Variants in SNTG1 observed in about 807,000 individuals in gnomAD.
The protein encoded by SNTG1 is syntrophin gamma 1, also known as gamma-1-syntrophin.
SNTG1 carries 39 observed loss-of-function variants against 74.7 expected under a neutral mutation model. The ratio of observed to expected loss-of-function variants is 0.52; its 90% CI spans 0.40 to 0.68. The LOEUF (loss-of-function observed/expected upper bound fraction) is 0.68. SNTG1 is among the 30% of genes least tolerant of loss of function. The pLI is 0.00. For synonymous variants in SNTG1, 254 were observed against 217.1 expected, an observed-to-expected ratio of 1.17 and a Z score of -1.49; for missense variants, 685 against 609.5, an observed-to-expected ratio of 1.12 and a Z score of -1.30.
At chr8:50,537,937 T>C (rs2094319359) in intron 11 of SNTG1, among the ~76,000 whole-genome samples, 1 of 152,194 alleles carries the variant, frequency 6.6e-6, no homozygotes, top group African/African-American at 2.4e-5. Context: ...ATTTTGATAA[T>C]TAATTTTAAG....
intron 4 of SNTG1, among the ~76,000 whole-genome samples, chr8:50,429,643 T>A (rs1412127295): frequency 6.6e-6 from 1 of 152,080 alleles, no homozygotes; most frequent in Non-Finnish European, 1.5e-5. Context: ...AAATGGCACA[T>A]CATAAAAATT....
chr8:50,104,305 G>A (rs549218736), intron 1 of SNTG1, among the ~76,000 whole-genome samples: 14 of 152,204 alleles, frequency 9.2e-5, no homozygotes, highest in Admixed American at 6.5e-4. Flanking sequence ...TGTATGTGTC[G>A]AGGAGTTTAT....
At position 50,729,993 on chromosome 8, in the gene SNTG1, C is replaced by T. The variant is rs184665005; in HGVS notation, c.1284+21015C>T. 1.3e-4 allele frequency among the ~76,000 whole-genome samples: 19 copies of T among 151,920 alleles called. No homozygotes were observed. In the East Asian group the frequency reaches 3.1e-3, roughly 25 times the overall value. On this transcript the variant is annotated intron_variant, in intron 17 of 18. Coordinates refer to ENST00000642720, the MANE Select transcript of SNTG1 (RefSeq NM_018967.5). The stretch of plus-strand genomic sequence containing the variant: ...TAACCCTGACCTGGAGGGAGCACCC[C>T]GTATTCACTACACGGACTGCGATGC...
At chr8:50,435,840 A>G (rs1361446843) in intron 4 of SNTG1, among the ~76,000 whole-genome samples, 1 of 152,090 alleles carries the variant, frequency 6.6e-6, no homozygotes, top group East Asian at 1.9e-4. Flanking sequence ...TCTCTCCAAA[A>G]TCTTTTCTGC....
chr8:50,747,542 A>G (rs2095557902), intron 17 of SNTG1, among the ~76,000 whole-genome samples: 1 of 151,988 alleles, frequency 6.6e-6, no homozygotes, highest in African/African-American at 2.4e-5. Context: ...TCATATGCTT[A>G]CCTTATGTAT....
At chr8:50,750,257 GAATTATTGC>G (rs1235475969) in intron 17 of SNTG1, among the ~76,000 whole-genome samples, 10 of 152,118 alleles carry the variant, frequency 6.6e-5, no homozygotes, top group African/African-American at 2.2e-4. Context: ...AGATGCAACT[GAATTATTGC>G]AATCTCATGA....
At chr8:50,224,820 G>C (rs1433972094) in intron 2 of SNTG1, among the ~76,000 whole-genome samples, 2 of 152,114 alleles carry the variant, frequency 1.3e-5, no homozygotes, top group Non-Finnish European at 2.9e-5. Flanking sequence ...ACAGATAGCA[G>C]GCCCAAAATA....
At chr8:50,337,041 A>G (rs1324180459) in intron 2 of SNTG1, among the ~76,000 whole-genome samples, 1 of 152,230 alleles carries the variant, frequency 6.6e-6, no homozygotes, top group Non-Finnish European at 1.5e-5. Flanking sequence ...CAGAAAATGT[A>G]TTGATAGTCC....
At chr8:50,381,844 A>C (rs2131234620) in intron 2 of SNTG1, 1 of 141,698 alleles carries the variant, frequency 7.1e-6, no homozygotes, top group South Asian at 2.2e-4. Flanking sequence ...TATTATATAT[A>C]TATATATATG....
At chr8:50,713,585 C>T (rs10087228) in intron 17 of SNTG1, among the ~76,000 whole-genome samples, 51,012 of 151,946 alleles carry the variant, frequency 0.34, 11,125 homozygotes, top group African/African-American at 0.62. Context: ...CCCATGTCTG[C>T]GTCCTGGATG....
intron 2 of SNTG1, among the ~76,000 whole-genome samples, chr8:50,296,534 G>A (rs777121272): frequency 6.6e-5 from 10 of 152,108 alleles, no homozygotes; most frequent in African/African-American, 2.4e-4. Context: ...AACACCTCAT[G>A]TTCTCACCCA....
intron 9 of SNTG1, among the ~76,000 whole-genome samples, chr8:50,509,633 T>C (rs2129893077): frequency 1.3e-5 from 2 of 152,154 alleles, no homozygotes; most frequent in East Asian, 3.9e-4. Flanking sequence ...GTCCTTCACA[T>C]CCTTTCTAAG....
chr8:50,084,188 G>T (rs79925544), intron 1 of SNTG1, among the ~76,000 whole-genome samples: 2 of 152,152 alleles, frequency 1.3e-5, no homozygotes, highest in Non-Finnish European at 2.9e-5. Context: ...CTGGCCAGGC[G>T]CAGTGGCTCA....
At chr8:50,656,145 G>T (rs1266466505) in intron 13 of SNTG1, among the ~76,000 whole-genome samples, 1 of 152,114 alleles carries the variant, frequency 6.6e-6, no homozygotes, top group East Asian at 1.9e-4. Context: ...CTCCCGCACA[G>T]AGTTGTGATG....
chr8:50,031,357 C>T (rs1251155895), intron 1 of SNTG1, among the ~76,000 whole-genome samples: 2 of 151,966 alleles, frequency 1.3e-5, no homozygotes, highest in African/African-American at 4.8e-5. Flanking sequence ...ACTGGACTGT[C>T]TATAACTTGC....
At chr8:49,986,273 T>A (rs934331532) in intron 1 of SNTG1, among the ~76,000 whole-genome samples, 1 of 152,158 alleles carries the variant, frequency 6.6e-6, no homozygotes, top group African/African-American at 2.4e-5. Flanking sequence ...ACTTTCCTGA[T>A]AAAGGATCTA....
intron 13 of SNTG1, among the ~76,000 whole-genome samples, chr8:50,646,295 G>A (rs1480295831): frequency 1.3e-5 from 2 of 152,112 alleles, no homozygotes; most frequent in Non-Finnish European, 2.9e-5. Flanking sequence ...CCTTTGGAAG[G>A]TTCATTAAAA....
Position 50,007,724 on chromosome 8 carries a change from G to A in SNTG1, c.-103+95493G>A, listed in dbSNP as rs547022566. ...TGGGGAGATTTCTTTGAAGAGAGTT[G>A]CAGCTTTCTTGGGAATGAATTTAGA... is the stretch of plus-strand genomic sequence containing the variant. On this transcript the variant is annotated intron_variant, in intron 1 of 18. Coordinates refer to ENST00000642720, the MANE Select transcript of SNTG1 (RefSeq NM_018967.5). Among the ~76,000 whole-genome samples the A allele has an allele frequency of 4.9e-4, 74 of 152,158 alleles. 3 individuals carry two copies. In the South Asian group the frequency reaches 0.015, roughly 31 times the overall value.
chr8:50,229,358 C>A lies in SNTG1; in HGVS notation c.-28+56723C>A, dbSNP rs78272252. ...ATGCTGATACACTATCAGAAATCCA[C>A]TTTAAATATAAAGAATTAAATAGTT... On this transcript the variant is annotated intron_variant, in intron 2 of 18. Coordinates refer to ENST00000642720, the MANE Select transcript of SNTG1 (RefSeq NM_018967.5). Among the ~76,000 whole-genome samples, 1,326 of 151,264 alleles carry A rather than the reference C, an allele frequency of 8.8e-3. 59 individuals are homozygous for A. The East Asian group carries it at 0.14, about 16-fold the overall frequency.
Sources: allele counts gnomAD v4.1 joint callset (sites outside exome capture counted in the v4.1 genomes callset), GRCh38; gene constraint gnomAD v4.1.1; transcripts MANE v1.5; gene names NCBI Gene and HGNC (gene_info 2026-07-23, HGNC 2026-07-21).